The following C12orf42 variants were observed in gnomAD, a reference collection of about 807,000 sequenced individuals.
The protein encoded by C12orf42 is uncharacterized protein C12orf42.
A neutral mutation model predicts 21.6 loss-of-function variants in C12orf42; 25 were observed. That is an observed-to-expected ratio of 1.16 (90% CI 0.84 to 1.62). The LOEUF is 1.62. Ranked by LOEUF, C12orf42 falls within the 40% of genes most tolerant of loss-of-function variation. C12orf42 has a pLI of 0.00. For missense variants in C12orf42, 483 were observed against 459.3 expected, an observed-to-expected ratio of 1.05 and a Z score of -0.47; for synonymous variants, 174 against 175.0, an observed-to-expected ratio of 0.99 and a Z score of 0.05.
the C12orf42 span, among the ~76,000 whole-genome samples, chr12:103,081,965 C>T: frequency 6.6e-6 from 1 of 152,126 alleles, no homozygotes; most frequent in East Asian, 1.9e-4. Flanking sequence ...ATTGTCTCTC[C>T]TCTCTCCCAA....
At chr12:103,495,173 G>A (rs1012646727) in intron 1 of C12orf42, among the ~76,000 whole-genome samples, 2 of 151,726 alleles carry the variant, frequency 1.3e-5, no homozygotes, top group Non-Finnish European at 2.9e-5. Context: ...GAGCGCTGAA[G>A]GAGGGGTTAA....
chr12:103,276,316 A>G (rs2035769786), intron 5 of C12orf42, among the ~76,000 whole-genome samples: 2 of 152,200 alleles, frequency 1.3e-5, no homozygotes, highest in Admixed American at 1.3e-4. Flanking sequence ...GGATGGAAAC[A>G]AAGTTGATGA....
chr12:103,533,038 C>A, the C12orf42 span, among the ~76,000 whole-genome samples: 1 of 152,208 alleles, frequency 6.6e-6, no homozygotes, highest in African/African-American at 2.4e-5. Flanking sequence ...AATATGATTC[C>A]TTTCAGACTC....
chr12:103,103,351 T>A, the C12orf42 span, among the ~76,000 whole-genome samples: 5 of 152,292 alleles, frequency 3.3e-5, no homozygotes, highest in East Asian at 9.7e-4. Context: ...CCTTCCTAGA[T>A]CCCTACTGCC....
chr12:103,465,633 T>G (rs953557687), intron 2 of C12orf42, among the ~76,000 whole-genome samples: 7 of 152,196 alleles, frequency 4.6e-5, no homozygotes, highest in Non-Finnish European at 1.0e-4. Flanking sequence ...CTTCCAATAC[T>G]ATGTTGAACG....
chr12:103,487,962 G>T (rs1020164999), intron 1 of C12orf42, among the ~76,000 whole-genome samples: 1 of 152,154 alleles, frequency 6.6e-6, no homozygotes, highest in Non-Finnish European at 1.5e-5. Context: ...TACATTTAAG[G>T]TTAATATTGT....
intron 3 of C12orf42, among the ~76,000 whole-genome samples, chr12:103,399,743 G>C (rs966922581): frequency 6.6e-6 from 1 of 151,810 alleles, no homozygotes; most frequent in Non-Finnish European, 1.5e-5. Context: ...TTTCTTTACT[G>C]TTGCTTTTAG....
At chr12:103,351,231 C>A (rs1243802420) in intron 4 of C12orf42, among the ~76,000 whole-genome samples, 1 of 152,130 alleles carries the variant, frequency 6.6e-6, no homozygotes, top group Non-Finnish European at 1.5e-5. Context: ...TACACTTGTG[C>A]AAATCACCAA....
chr12:103,143,312 G>A, the C12orf42 span, among the ~76,000 whole-genome samples: 2 of 152,214 alleles, frequency 1.3e-5, no homozygotes, highest in African/African-American at 2.4e-5. Flanking sequence ...TGGAAAATTA[G>A]TGGGTAGAAG....
the C12orf42 span, among the ~76,000 whole-genome samples, chr12:103,133,793 G>A: frequency 6.6e-6 from 1 of 152,206 alleles, no homozygotes; most frequent in Non-Finnish European, 1.5e-5. Flanking sequence ...AATCATGGGG[G>A]CAGTTTCCTC....
intron 4 of C12orf42, among the ~76,000 whole-genome samples, chr12:103,325,476 C>T (rs1211534587): frequency 2.0e-5 from 3 of 152,184 alleles, no homozygotes; most frequent in Non-Finnish European, 4.4e-5. Context: ...GCCACTTTAC[C>T]ATTTAGAAGG....
At chr12:103,250,869 T>A (rs2034264119) in intron 10 of C12orf42, among the ~76,000 whole-genome samples, 2 of 146,988 alleles carry the variant, frequency 1.4e-5, no homozygotes. Context: ...GAGATTCTTT[T>A]ATCACTGTGT....
At chr12:103,136,323 G>T in the C12orf42 span, among the ~76,000 whole-genome samples, 1 of 151,980 alleles carries the variant, frequency 6.6e-6, no homozygotes, top group Non-Finnish European at 1.5e-5. Context: ...TTAACCAAGG[G>T]TATAAAAAAC....
intron 2 of C12orf42, among the ~76,000 whole-genome samples, chr12:103,462,780 T>C (rs1408477353): frequency 2.0e-5 from 3 of 152,134 alleles, no homozygotes; most frequent in Non-Finnish European, 4.4e-5. Context: ...CAAGAACAAA[T>C]GGTAGGGTCA....
chr12:103,321,398 C>T (rs1421414820), intron 4 of C12orf42, among the ~76,000 whole-genome samples: 1 of 145,620 alleles, frequency 6.9e-6, no homozygotes, highest in Non-Finnish European at 1.5e-5. Context: ...GAAATAGGAA[C>T]ACTTTTACAC....
At chr12:103,481,298 C>T (rs1954453382) in intron 1 of C12orf42, among the ~76,000 whole-genome samples, 2 of 151,750 alleles carry the variant, frequency 1.3e-5, no homozygotes, top group East Asian at 3.9e-4. Context: ...TTTAGTTACT[C>T]TGTTCTATCA....
the C12orf42 span, among the ~76,000 whole-genome samples, chr12:103,083,553 G>A: frequency 1.3e-5 from 2 of 152,100 alleles, no homozygotes; most frequent in African/African-American, 2.4e-5. Flanking sequence ...AAATTCTCAA[G>A]CTATTGCTAT....
Position 103,480,108 on chromosome 12 carries a change from T to G in C12orf42, c.-21-1661A>C, listed in dbSNP as rs1478189556. On this transcript the variant is annotated intron_variant, in intron 1 of 5. Coordinates refer to ENST00000548883, the MANE Select transcript of C12orf42 (RefSeq NM_198521.5). ...GAAAAATTTAAACTATTAATTCAAT[T>G]TATTTAATGATTATAGGGTTATTTA... is the stretch of plus-strand genomic sequence containing the variant. Among the ~76,000 whole-genome samples the G allele has an allele frequency of 2.0e-5, 3 of 152,086 alleles. No homozygotes were observed. The East Asian group carries it at 5.8e-4, about 29-fold the overall frequency.
the C12orf42 span, among the ~76,000 whole-genome samples, chr12:103,117,184 T>A: frequency 6.6e-6 from 1 of 152,224 alleles, no homozygotes; most frequent in African/African-American, 2.4e-5. Flanking sequence ...AAAATCTCCT[T>A]ATCTCTCCTT....
Sources: gnomAD v4.1 joint callset for allele counts (sites outside exome capture counted in the v4.1 genomes callset) on GRCh38, gnomAD v4.1.1 for gene constraint, MANE v1.5 for transcripts, NCBI Gene and HGNC (gene_info 2026-07-23, HGNC 2026-07-21) for gene names.